Variants in AP2A2 observed in about 807,000 individuals in gnomAD.
AP2A2 encodes adaptor related protein complex 2 subunit alpha 2.
AP2A2 carries 32 observed loss-of-function variants against 104.2 expected under a neutral mutation model. That is an observed-to-expected ratio of 0.31 (90% CI 0.23 to 0.41). AP2A2 has a LOEUF of 0.41. Among genes scored for constraint, AP2A2 ranks in the 10% least tolerant of loss-of-function variants. AP2A2 has a pLI of 1.00. For missense variants in AP2A2, 912 were observed against 1,261.0 expected (o/e 0.72, Z 4.19); for synonymous variants, 539 against 533.3 (o/e 1.01, Z -0.15).
rs1000870374 is a variant in AP2A2 at position 1,009,042 on chromosome 11, C to A, written c.2421-58C>A. ...TCTCACTCCAGGCTCTTTCCCGGTC[C>A]CTGGGGCTCTCAGAGGAGTAGCTGA... is the stretch of plus-strand genomic sequence containing the variant. On this transcript the variant is annotated intron_variant, in intron 18 of 21. Transcript: ENST00000448903. 2.1e-6 allele frequency: 3 copies of A among 1,424,972 alleles called. No individual in the cohort carries two copies. In the Admixed American group the frequency reaches 5.4e-5, roughly 26 times the overall value. The allele number at this position is 1,424,972 out of a possible 1,614,324, so 88.3% of individuals were successfully genotyped here.
chr11:977,672 G>T (rs192468527), intron 5 of AP2A2, among the ~76,000 whole-genome samples: 3 of 151,970 alleles, frequency 2.0e-5, no homozygotes, highest in African/African-American at 7.2e-5. Flanking sequence ...TTCAGGTGCT[G>T]TGAGAGGCAC....
intron 1 of AP2A2, among the ~76,000 whole-genome samples, chr11:941,356 A>G (rs1053598349): frequency 6.6e-6 from 1 of 152,148 alleles, no homozygotes; most frequent in African/African-American, 2.4e-5. Flanking sequence ...GTTTCTACAC[A>G]CATGCCCCGG....
At chr11:994,550 T>A (rs1445234694) in intron 14 of AP2A2, among the ~76,000 whole-genome samples, 2 of 139,654 alleles carry the variant, frequency 1.4e-5, no homozygotes, top group Non-Finnish European at 3.1e-5. Flanking sequence ...CCCCCTGGCC[T>A]GTCCCGGGGG....
intron 14 of AP2A2, among the ~76,000 whole-genome samples, chr11:997,255 G>A (rs544753466): frequency 6.6e-6 from 1 of 152,242 alleles, no homozygotes; most frequent in South Asian, 2.1e-4. Context: ...CTCCTTGGGG[G>A]AGGCTGTGGT....
chr11:986,221 T>A (rs7395303), intron 8 of AP2A2, among the ~76,000 whole-genome samples: 87,785 of 152,174 alleles, frequency 0.58, 26,194 homozygotes, highest in Middle Eastern at 0.73. Context: ...CTCTACAGCT[T>A]GTGAACACCA....
intron 14 of AP2A2, among the ~76,000 whole-genome samples, chr11:999,115 G>A (rs1855947313): frequency 6.6e-6 from 1 of 152,188 alleles, no homozygotes; most frequent in African/African-American, 2.4e-5. Flanking sequence ...TTGCTGGGGA[G>A]CCTGCTGCCC....
intron 1 of AP2A2, among the ~76,000 whole-genome samples, chr11:954,570 A>G (rs1854171566): frequency 6.6e-6 from 1 of 151,710 alleles, no homozygotes; most frequent in African/African-American, 2.4e-5. Flanking sequence ...AAATGTGTGT[A>G]TATGTATATT....
In AP2A2 at chr11:986,843, G is replaced by A. The variant is rs1469771680; in HGVS notation, c.1021G>A (p.Glu341Lys). ...GTTGGGCCAGTTTCTGCAGCACCGC[G>A]AGACCAACCTGCGCTACCTGGCCCT... The part of the protein sequence containing the change: ...NQLGQFLQHR[E>K]TNLRYLALES... Residue 341 changes from glutamate to lysine, a missense_variant, in exon 9 of 22, where the codon GAG becomes AAG. This residue lies in a region of AP2A2 where 350 missense variants were observed against 487.0 expected (regional missense o/e 0.72). Coordinates refer to ENST00000448903, the MANE Select transcript of AP2A2 (RefSeq NM_012305.4). 1 of 1,612,860 alleles carries A rather than the reference G, an allele frequency of 6.2e-7. No individual in the cohort carries two copies. The highest frequency in any genetic ancestry group is 8.5e-7 in the Non-Finnish European group (1 of 1,179,610).
At chr11:956,351 C>T (rs1380254854) in intron 1 of AP2A2, among the ~76,000 whole-genome samples, 2 of 152,036 alleles carry the variant, frequency 1.3e-5, no homozygotes, top group Admixed American at 6.6e-5. Context: ...TTAGTAGAGA[C>T]GGGGTTTCGC....
At chr11:962,160 G>A (rs1246715240) in intron 2 of AP2A2, among the ~76,000 whole-genome samples, 8 of 152,236 alleles carry the variant, frequency 5.3e-5, no homozygotes, top group Non-Finnish European at 1.0e-4. Context: ...TGGGGGAGCC[G>A]GACCATGACA....
At position 993,501 on chromosome 11, in the gene AP2A2, C is replaced by T; in HGVS notation, c.1550+120C>T. On this transcript the variant is annotated intron_variant, in intron 12 of 21. Transcript: ENST00000448903. This position sits in a 1 kb window ranked among gnomAD's most constrained non-coding sequence, Gnocchi z 8.2. Reference sequence around the variant, plus strand: ...AGGCCTCGCAGAGCCGCTTCTGCTCCCCATCGGCGTCTTTTTGTTTTCCTT... The same window carrying T: ...AGGCCTCGCAGAGCCGCTTCTGCTCTCCATCGGCGTCTTTTTGTTTTCCTT... 1.3e-6 allele frequency: 1 copy of T among 745,358 alleles called. No homozygotes were observed. 46.2% of individuals were successfully genotyped at this position (745,358 alleles called of 1,614,324 possible). A position where few individuals can be genotyped will look rare whatever the true frequency, so the allele number is the denominator to read the frequency against.
At chr11:995,412 G>T (rs1290825897) in intron 14 of AP2A2, 7 of 455,752 alleles carry the variant, frequency 1.5e-5, no homozygotes, top group Non-Finnish European at 3.1e-5. Flanking sequence ...GCACTGTCAG[G>T]GAGGGCTCCT....
At chr11:935,020 G>A (rs912309778) in intron 1 of AP2A2, among the ~76,000 whole-genome samples, 3 of 150,422 alleles carry the variant, frequency 2.0e-5, no homozygotes, top group Admixed American at 6.7e-5. Flanking sequence ...CACCATGCCC[G>A]GCTAATTTTT....
intron 3 of AP2A2, among the ~76,000 whole-genome samples, chr11:971,704 G>T (rs1854835344): frequency 6.6e-6 from 1 of 152,186 alleles, no homozygotes; most frequent in Non-Finnish European, 1.5e-5. Context: ...GAAGGTTCCT[G>T]CCCATCTTAA....
intron 1 of AP2A2, among the ~76,000 whole-genome samples, chr11:947,528 G>A (rs1853889146): frequency 6.6e-6 from 1 of 152,176 alleles, no homozygotes; most frequent in African/African-American, 2.4e-5. Context: ...GGGCGCGGTG[G>A]CTCACACCTC....
chr11:1,006,192 C>T (rs1233000847), intron 16 of AP2A2, among the ~76,000 whole-genome samples: 1 of 152,236 alleles, frequency 6.6e-6, no homozygotes, highest in Non-Finnish European at 1.5e-5. Flanking sequence ...CCAGCTGTAG[C>T]CCAGCCTGCA....
At chr11:981,997 C>T (rs973934877) in intron 6 of AP2A2, among the ~76,000 whole-genome samples, 1 of 152,256 alleles carries the variant, frequency 6.6e-6, no homozygotes, top group African/African-American at 2.4e-5. Flanking sequence ...ACGCGTAGTG[C>T]TAGTCTCTTG....
chr11:940,678 T>C (rs1853616525), intron 1 of AP2A2: 1 of 374,182 alleles, frequency 2.7e-6, no homozygotes, highest in East Asian at 7.2e-5. Context: ...TTGCTTTGAA[T>C]GCCTTTTGTG....
In AP2A2 at chr11:925,926, C is replaced by A. The variant is rs1159327676; in HGVS notation, c.-96C>A. The stretch of plus-strand genomic sequence containing the variant: ...TGGTTAGGCGGCTCCCCGGCGGCTC[C>A]TCCGCGGCGGTGACGGCGACCGCAC... On this transcript the variant is annotated 5_prime_UTR_variant, in exon 1 of 22. Coordinates refer to ENST00000448903, the MANE Select transcript of AP2A2 (RefSeq NM_012305.4). 2.0e-6 allele frequency: 2 copies of A among 995,216 alleles called. No individual in the cohort carries two copies. Among genetic ancestry groups the A allele is most frequent in the Non-Finnish European group, 2.7e-6 (2 of 748,386 alleles). 61.6% of individuals were successfully genotyped at this position (995,216 alleles called of 1,614,324 possible).
Sources: gnomAD v4.1 joint callset for allele counts (sites outside exome capture counted in the v4.1 genomes callset) on GRCh38, gnomAD v4.1.1 for gene constraint, gnomAD v4.1.1 regional missense constraint, Gnocchi (gnomAD v3.1) non-coding constraint, MANE v1.5 for transcripts, NCBI Gene and HGNC (gene_info 2026-07-23, HGNC 2026-07-21) for gene names.